Variants in ERN1 observed in about 807,000 individuals in gnomAD.
ERN1 encodes endoplasmic reticulum to nucleus signaling 1.
Under a neutral mutation model 113.1 loss-of-function variants are expected in ERN1, and 39 were observed. The ratio of observed to expected loss-of-function variants is 0.34; its 90% CI spans 0.27 to 0.45. The LOEUF (loss-of-function observed/expected upper bound fraction) is 0.45. ERN1 is among the 20% of genes least tolerant of loss of function. ERN1 has a pLI of 1.00. For synonymous variants in ERN1, 507 were observed against 515.9 expected (o/e 0.98, Z 0.23); for missense variants, 976 against 1,274.8 (o/e 0.77, Z 3.57).
chr17:64,126,542 T>C (rs576254241), intron 1 of ERN1, among the ~76,000 whole-genome samples: 28 of 152,238 alleles, frequency 1.8e-4, no homozygotes, highest in Non-Finnish European at 3.7e-4. Context: ...CTCTCTCGAA[T>C]AACTCTCAGA....
At chr17:64,077,399 A>G (rs866444202) in intron 4 of ERN1, among the ~76,000 whole-genome samples, 23 of 152,290 alleles carry the variant, frequency 1.5e-4, no homozygotes, top group African/African-American at 5.3e-4. Context: ...CAGGTGAAGA[A>G]ACAGAAGCCC....
intron 10 of ERN1, 77 bp from the exon 11 acceptor site, chr17:64,060,664 A>G: frequency 9.7e-7 from 1 of 1,033,358 alleles, no homozygotes; most frequent in Non-Finnish European, 1.5e-6. Flanking sequence ...CTTAGGCAAC[A>G]GGTGCTACCC....
chr17:64,125,311 T>C (rs1915051974), intron 1 of ERN1, among the ~76,000 whole-genome samples: 3 of 152,152 alleles, frequency 2.0e-5, no homozygotes, highest in African/African-American at 7.2e-5. Flanking sequence ...CCTGTTATCA[T>C]ACAGAAAGCA....
intron 1 of ERN1, chr17:64,102,756 T>C (rs964602882): frequency 1.0e-6 from 1 of 985,280 alleles, no homozygotes; most frequent in Non-Finnish European, 1.2e-6. Flanking sequence ...TGCTCACTTT[T>C]CTCTACAAGC....
intron 1 of ERN1, among the ~76,000 whole-genome samples, chr17:64,117,036 C>T (rs916393981): frequency 1.3e-5 from 2 of 151,888 alleles, no homozygotes; most frequent in East Asian, 1.9e-4. Flanking sequence ...GGTGTGAACC[C>T]GGGAGGCGGA....
At chr17:64,113,278 G>A (rs570791088) in intron 1 of ERN1, among the ~76,000 whole-genome samples, 1 of 152,302 alleles carries the variant, frequency 6.6e-6, no homozygotes, top group South Asian at 2.1e-4. Flanking sequence ...ACTGCATATT[G>A]CCATTGAATG....
At chr17:64,065,881 G>A (rs1913206600) in intron 8 of ERN1, among the ~76,000 whole-genome samples, 2 of 152,218 alleles carry the variant, frequency 1.3e-5, no homozygotes, top group Non-Finnish European at 2.9e-5. Flanking sequence ...AGAAAATGGT[G>A]AGAGCTACAC....
rs373977554 is a variant in ERN1 at position 64,124,233 on chromosome 17, C to T, written c.54+5743G>A. Among the ~76,000 whole-genome samples the T allele has an allele frequency of 4.6e-5, 7 of 152,214 alleles. No homozygotes were observed. The South Asian group carries it at 1.4e-3, about 32-fold the overall frequency. ...GTTAAACAAAGAGTTACCATATGAC[C>T]CAACAATCTCTTTCCTAGATATATG... On this transcript the variant is annotated intron_variant, in intron 1 of 21. Transcript: ENST00000433197.
At chr17:64,086,359 T>C (rs891770607) in intron 2 of ERN1, among the ~76,000 whole-genome samples, 2 of 152,220 alleles carry the variant, frequency 1.3e-5, no homozygotes, top group African/African-American at 4.8e-5. Flanking sequence ...ATTTCACAAA[T>C]GACCACGTCA....
rs149213694 is a variant in ERN1 at position 64,050,225 on chromosome 17, C to T, written c.2254-1023G>A. Among the ~76,000 whole-genome samples the T allele has an allele frequency of 2.6e-5, 4 of 152,190 alleles. 1 individual carries two copies. Among genetic ancestry groups the T allele is most frequent in the South Asian group, 4.1e-4 (2 of 4,824 alleles). Reference sequence around the variant, plus strand: ...TTTTCCCTTAGGAAGGTGCTGGATTCGGGACAGGAGGAACATGGCCACCAC... The same window carrying T: ...TTTTCCCTTAGGAAGGTGCTGGATTTGGGACAGGAGGAACATGGCCACCAC... On this transcript the variant is annotated intron_variant, in intron 17 of 21. Transcript: ENST00000433197.
intron 2 of ERN1, among the ~76,000 whole-genome samples, chr17:64,093,960 G>T (rs534996373): frequency 6.6e-6 from 1 of 152,160 alleles, no homozygotes; most frequent in Non-Finnish European, 1.5e-5. Flanking sequence ...AGAGACTAGC[G>T]GACTTTACAG....
intron 17 of ERN1, among the ~76,000 whole-genome samples, chr17:64,051,505 T>C (rs1427353758): frequency 2.0e-5 from 3 of 152,212 alleles, no homozygotes; most frequent in Non-Finnish European, 4.4e-5. Flanking sequence ...ACATTTAACT[T>C]GAACCTAATC....
Position 64,064,266 on chromosome 17 carries a change from G to A in ERN1, c.922-115C>T, listed in dbSNP as rs909670613. On this transcript the variant is annotated intron_variant, in intron 9 of 21. Coordinates refer to ENST00000433197, the MANE Select transcript of ERN1 (RefSeq NM_001433.5). ...CAATTTCTAGTGCAGGGCTAGTCCAGGACAGAGCAAGACACAAAGGCCCAA... is the reference window on the plus strand; with the variant it reads ...CAATTTCTAGTGCAGGGCTAGTCCAAGACAGAGCAAGACACAAAGGCCCAA... 7.5e-6 allele frequency: 9 copies of A among 1,200,672 alleles called. No homozygotes were observed. In the African/African-American group the frequency reaches 1.1e-4, roughly 14 times the overall value. 74.4% of individuals were successfully genotyped at this position (1,200,672 alleles called of 1,614,324 possible). A position where few individuals can be genotyped will look rare whatever the true frequency, so the allele number is the denominator to read the frequency against.
Position 64,055,953 on chromosome 17 carries a change from G to C in ERN1, c.1399-5C>G. ...CTGCTGCTGCTGATGCATGCTCTGGGAAGAGAAACCCACATCCAGACAAGG... is the reference window on the plus strand; with the variant it reads ...CTGCTGCTGCTGATGCATGCTCTGGCAAGAGAAACCCACATCCAGACAAGG... On this transcript the variant is annotated splice_polypyrimidine_tract_variant and splice_region_variant and intron_variant, in intron 12 of 21. Coordinates refer to ENST00000433197, the MANE Select transcript of ERN1 (RefSeq NM_001433.5). The C allele has an allele frequency of 6.5e-7, 1 of 1,534,798 alleles. No individual in the cohort carries two copies. Among genetic ancestry groups the C allele is most frequent in the Non-Finnish European group, 8.8e-7 (1 of 1,139,258 alleles).
intron 1 of ERN1, among the ~76,000 whole-genome samples, chr17:64,122,763 T>C (rs978019097): frequency 1.1e-4 from 17 of 152,246 alleles, no homozygotes; most frequent in African/African-American, 3.4e-4. Flanking sequence ...TTTTAACTTG[T>C]ATAAGGATAA....
chr17:64,067,550 G>A (rs993507336), intron 7 of ERN1, among the ~76,000 whole-genome samples: 6 of 151,484 alleles, frequency 4.0e-5, no homozygotes, highest in Non-Finnish European at 8.8e-5. Flanking sequence ...TCAGGCTGCA[G>A]TGAGCCCTGA....
intron 6 of ERN1, 61 bp downstream of exon 6, chr17:64,071,920 G>C (rs772033167): frequency 6.5e-7 from 1 of 1,539,312 alleles, no homozygotes. Context: ...AGGAGGCTGG[G>C]GAGCTTCTTC....
chr17:64,055,961 ACC>A lies in ERN1; in HGVS notation c.1399-15_1399-14del. 1 of 1,526,878 alleles carries A rather than the reference ACC, an allele frequency of 6.5e-7. No individual in the cohort carries two copies. The highest frequency in any genetic ancestry group is 8.8e-7 in the Non-Finnish European group (1 of 1,135,360). The allele number at this position is 1,526,878 out of a possible 1,614,324, so 94.6% of individuals were successfully genotyped here. On this transcript the variant is annotated splice_polypyrimidine_tract_variant and intron_variant, in intron 12 of 21. Transcript: ENST00000433197. ...GCTGATGCATGCTCTGGGAAGAGAA[ACC>A]CACATCCAGACAAGGGCAGCTGTTC...
At chr17:64,064,601 A>T (rs1913158084) in intron 9 of ERN1, among the ~76,000 whole-genome samples, 1 of 152,212 alleles carries the variant, frequency 6.6e-6, no homozygotes, top group Non-Finnish European at 1.5e-5. Flanking sequence ...ATCACTGGGA[A>T]GACAAGAGAG....
Sources: gnomAD v4.1 joint callset for allele counts (sites outside exome capture counted in the v4.1 genomes callset) on GRCh38, gnomAD v4.1.1 for gene constraint, MANE v1.5 for transcripts, NCBI Gene and HGNC (gene_info 2026-07-23, HGNC 2026-07-21) for gene names.